Variants in OSGIN2 observed in about 807,000 individuals in gnomAD.
The protein encoded by OSGIN2 is oxidative stress-induced growth inhibitor 2.
A neutral mutation model predicts 53.8 loss-of-function variants in OSGIN2; 19 were observed. The ratio of observed to expected loss-of-function variants is 0.35; its 90% confidence interval spans 0.25 to 0.52. The LOEUF (loss-of-function observed/expected upper bound fraction) is 0.52. Among genes scored for constraint, OSGIN2 ranks in the 20% least tolerant of loss-of-function variants. The probability of loss-of-function intolerance (pLI) is 0.95; values close to 1 mark genes in which losing one functional copy is unlikely to be tolerated. For synonymous variants in OSGIN2, 236 were observed against 236.0 expected (o/e 1.00, Z 0.00); for missense variants, 520 against 662.7 (o/e 0.78, Z 2.36).
At chr8:89,920,660 A>G (rs939917995) in intron 4 of OSGIN2, among the ~76,000 whole-genome samples, 1 of 152,334 alleles carries the variant, frequency 6.6e-6, no homozygotes, top group East Asian at 1.9e-4. Flanking sequence ...AGTTAATAAT[A>G]TTAAAATGGA....
chr8:89,913,451 T>C (rs1007836220), intron 2 of OSGIN2, among the ~76,000 whole-genome samples: 6 of 151,930 alleles, frequency 3.9e-5, no homozygotes, highest in African/African-American at 1.5e-4. Context: ...TGAAGACCTT[T>C]AGAACAGAAG....
intron 2 of OSGIN2, 145 bp downstream of exon 2, chr8:89,909,866 T>C: frequency 2.1e-6 from 1 of 481,694 alleles, no homozygotes; most frequent in Non-Finnish European, 3.5e-6. Context: ...AACCAAATCT[T>C]TGGAGAGTAA....
intron 1 of OSGIN2, among the ~76,000 whole-genome samples, chr8:89,906,867 A>G (rs1808849845): frequency 6.6e-6 from 1 of 152,172 alleles, no homozygotes; most frequent in Non-Finnish European, 1.5e-5. Context: ...CTATTCCACA[A>G]TGGCTGAACT....
intron 3 of OSGIN2, 137 bp downstream of exon 3, chr8:89,914,350 T>C: frequency 1.4e-6 from 1 of 706,950 alleles, no homozygotes; most frequent in South Asian, 2.0e-5. Flanking sequence ...GATTCGTAAA[T>C]GTATTCTGAG....
chr8:89,902,623 G>A lies in OSGIN2; in HGVS notation c.-171G>A, dbSNP rs1563459226. On this transcript the variant is annotated 5_prime_UTR_variant, in exon 1 of 6. Coordinates refer to ENST00000451899, the MANE Select transcript of OSGIN2 (RefSeq NM_001126111.3). Reference sequence around the variant, plus strand: ...GAGCGGAAGCCGCTATCTGGAGGCGGACTCCGGCGCCACAGAGCCGGGGCA... The same window carrying A: ...GAGCGGAAGCCGCTATCTGGAGGCGAACTCCGGCGCCACAGAGCCGGGGCA... The A allele has an allele frequency of 1.9e-5, 3 of 157,580 alleles. No homozygotes were observed. In the Admixed American group the frequency reaches 2.0e-4, roughly 10 times the overall value. The allele number at this position is 157,580 out of a possible 1,614,324, so 9.8% of individuals were successfully genotyped here. A position where few individuals can be genotyped will look rare whatever the true frequency, so the allele number is the denominator to read the frequency against.
Position 89,925,614 on chromosome 8 carries a change from T to A in OSGIN2, c.*82T>A. The stretch of plus-strand genomic sequence containing the variant: ...GTTTTGCAGTGTACTGGCTTGAATT[T>A]TCTGGACTTGAGTTAACTGAAGGAG... On this transcript the variant is annotated 3_prime_UTR_variant, in exon 6 of 6. Transcript: ENST00000451899. 7 of 1,093,110 alleles carry A rather than the reference T, an allele frequency of 6.4e-6. No individual in the cohort carries two copies. Among genetic ancestry groups the A allele is most frequent in the Non-Finnish European group, 9.0e-6 (7 of 774,644 alleles). The allele number at this position is 1,093,110 out of a possible 1,614,324, so 67.7% of individuals were successfully genotyped here.
At position 89,925,174 on chromosome 8, in the gene OSGIN2, A is replaced by G; in HGVS notation, c.1292A>G (p.Lys431Arg). ...CCCGAGCACCGTGTGCTTTCCTTTA[A>G]GTCGGACATGAAATGTGTTCTCCAA... Reference protein sequence around the residue: ...SFPEHRVLSFKSDMKCVLQSV... With the variant: ...SFPEHRVLSFRSDMKCVLQSV... The change falls in exon 6 of 6, where the codon AAG becomes AGG. Residue 431 changes from lysine to arginine, a missense_variant. Transcript: ENST00000451899. The G allele has an allele frequency of 1.2e-6, 2 of 1,614,110 alleles. No individual in the cohort carries two copies. Among genetic ancestry groups the G allele is most frequent in the East Asian group, 2.2e-5 (1 of 44,886 alleles).
At position 89,926,587 on chromosome 8, in the gene OSGIN2, C is replaced by G. The variant is rs1308773087; in HGVS notation, c.*1055C>G. On this transcript the variant is annotated 3_prime_UTR_variant, in exon 6 of 6. Coordinates refer to ENST00000451899, the MANE Select transcript of OSGIN2 (RefSeq NM_001126111.3). Reference sequence around the variant, plus strand: ...TTAGAGATCTCTATTAGTATTCATTCGAGATGACATAGCAGCTCATATCAT... The same window carrying G: ...TTAGAGATCTCTATTAGTATTCATTGGAGATGACATAGCAGCTCATATCAT... 6.6e-6 allele frequency: 1 copy of G among 152,562 alleles called. No individual in the cohort carries two copies. The highest frequency in any genetic ancestry group is 2.4e-5 in the African/African-American group (1 of 41,558). 9.5% of individuals were successfully genotyped at this position (152,562 alleles called of 1,614,324 possible). A position where few individuals can be genotyped will look rare whatever the true frequency, so the allele number is the denominator to read the frequency against.
chr8:89,926,143 TTTTA>T lies in OSGIN2; in HGVS notation c.*619_*622del, dbSNP rs1187550053. 7 of 152,200 alleles carry T rather than the reference TTTTA, an allele frequency of 4.6e-5. No homozygotes were observed. The highest frequency in any genetic ancestry group is 7.2e-5 in the African/African-American group (3 of 41,450). The allele number at this position is 152,200 out of a possible 1,614,324, so 9.4% of individuals were successfully genotyped here. A position where few individuals can be genotyped will look rare whatever the true frequency, so the allele number is the denominator to read the frequency against. Reference sequence around the variant, plus strand: ...GGGTAGGAGGCATTTACAACTCAGATTTTATTTATTTTGAAATTATCAATTGTAT... The same window carrying T: ...GGGTAGGAGGCATTTACAACTCAGATTTTATTTTGAAATTATCAATTGTAT... On this transcript the variant is annotated 3_prime_UTR_variant, in exon 6 of 6. Transcript: ENST00000451899.
In OSGIN2 at chr8:89,924,903, T is replaced by C; in HGVS notation, c.1021T>C (p.Leu341=). ...TGGAGCTGCTATAAACAAAGGAAAG[T>C]TGCGTGGCAAAGTGGATCCAGTGTT... ...EFGAAINKGK[L]RGKVDPVLIV... is the part of the protein sequence containing the mutation. Residue 341 remains leucine, a synonymous_variant, in exon 6 of 6, where the codon TTG becomes CTG. Coordinates refer to ENST00000451899, the MANE Select transcript of OSGIN2 (RefSeq NM_001126111.3). 1.9e-6 allele frequency: 3 copies of C among 1,614,186 alleles called. No individual in the cohort carries two copies. Among genetic ancestry groups the C allele is most frequent in the Non-Finnish European group, 2.5e-6 (3 of 1,180,020 alleles).
At position 89,902,786 on chromosome 8, in the gene OSGIN2, A is replaced by C; in HGVS notation, c.-8A>C. On this transcript the variant is annotated 5_prime_UTR_variant, in exon 1 of 6. Transcript: ENST00000451899. ...GGCCGCGCTCGGGCGCCCCTCGCGC[A>C]GCGCTCCATGCCCGTGTGGTGCTGC... 2 of 1,252,900 alleles carry C rather than the reference A, an allele frequency of 1.6e-6. No individual in the cohort carries two copies. Among genetic ancestry groups the C allele is most frequent in the Non-Finnish European group, 1.0e-6 (1 of 988,618 alleles). 77.6% of individuals were successfully genotyped at this position (1,252,900 alleles called of 1,614,324 possible).
In OSGIN2 at chr8:89,924,570, A is replaced by G; in HGVS notation, c.688A>G (p.Met230Val). 6.2e-7 allele frequency: 1 copy of G among 1,613,914 alleles called. No individual in the cohort carries two copies. The highest frequency in any genetic ancestry group is 8.5e-7 in the Non-Finnish European group (1 of 1,179,804). Residue 230 changes from methionine (M) to valine (V), a missense_variant, in exon 6 of 6, where the codon ATG (methionine) becomes GTG (valine). Transcript: ENST00000451899. ...ARYYKHYVKVMGLQKNFRENT... is the reference protein window; with the variant it reads ...ARYYKHYVKVVGLQKNFRENT... ...CTACTATAAACATTATGTAAAAGTC[A>G]TGGGTCTTCAGAAGAATTTCAGAGA...
At chr8:89,904,631 C>G (rs948046329) in intron 1 of OSGIN2, among the ~76,000 whole-genome samples, 1 of 152,068 alleles carries the variant, frequency 6.6e-6, no homozygotes, top group Admixed American at 6.5e-5. Flanking sequence ...TCCTGGCCAA[C>G]ATGGTGAAAC....
intron 1 of OSGIN2, among the ~76,000 whole-genome samples, chr8:89,905,888 A>G (rs910747405): frequency 2.0e-5 from 3 of 152,270 alleles, no homozygotes; most frequent in African/African-American, 7.2e-5. Context: ...ATTTCTGTAC[A>G]TTAACACTGA....
intron 5 of OSGIN2, 49 bp downstream of exon 5, chr8:89,921,220 A>G: frequency 9.4e-7 from 1 of 1,067,446 alleles, no homozygotes; most frequent in South Asian, 1.4e-5. Context: ...TGAAAAAGAG[A>G]ATGTGGAAAA....
Position 89,924,900 on chromosome 8 carries a change from A to C in OSGIN2, c.1018A>C (p.Lys340Gln), listed in dbSNP as rs779252565. ...PEFGAAINKGKLRGKVDPVLI... is the reference protein window; with the variant it reads ...PEFGAAINKGQLRGKVDPVLI... ...ATTTGGAGCTGCTATAAACAAAGGA[A>C]AGTTGCGTGGCAAAGTGGATCCAGT... The change falls in exon 6 of 6, where the codon AAG becomes CAG. Residue 340 changes from lysine to glutamine, a missense_variant. By Grantham distance (53) the Lys-to-Gln change is moderately conservative. Coordinates refer to ENST00000451899, the MANE Select transcript of OSGIN2 (RefSeq NM_001126111.3). 13 of 1,614,054 alleles carry C rather than the reference A, an allele frequency of 8.1e-6. 1 individual carries two copies. The East Asian group carries it at 2.7e-4, about 33-fold the overall frequency.
chr8:89,921,306 A>G, intron 5 of OSGIN2, 135 bp downstream of exon 5: 1 of 578,890 alleles, frequency 1.7e-6, no homozygotes, highest in Non-Finnish European at 3.1e-6. Context: ...GTGTCCTTGA[A>G]GCAGTGATTA....
In OSGIN2 at chr8:89,924,494, C is replaced by T. The variant is rs200885157; in HGVS notation, c.621-9C>T. 40 of 1,565,518 alleles carry T rather than the reference C, an allele frequency of 2.6e-5. No homozygotes were observed. The highest frequency in any genetic ancestry group is 3.4e-6 in the Non-Finnish European group (4 of 1,160,032). ...TCCTTATAGGATATTTTTCCTTTTC[C>T]TTTTTTAGGAGCCTAAAAGGGGATC... On this transcript the variant is annotated splice_polypyrimidine_tract_variant and intron_variant, in intron 5 of 5. Transcript: ENST00000451899.
chr8:89,921,465 C>T (rs1809202823), intron 5 of OSGIN2: 1 of 273,638 alleles, frequency 3.7e-6, no homozygotes, highest in Non-Finnish European at 6.8e-6. Flanking sequence ...TCTCATCCAT[C>T]CATATATTAT....
Sources: gnomAD v4.1 joint callset for allele counts (sites outside exome capture counted in the v4.1 genomes callset) on GRCh38, gnomAD v4.1.1 for gene constraint, MANE v1.5 for transcripts, NCBI Gene and HGNC (gene_info 2026-07-23, HGNC 2026-07-21) for gene names.